The following CCM2L variants were observed in gnomAD, a reference collection of about 807,000 sequenced individuals.
CCM2L encodes cerebral cavernous malformations 2 protein-like.
CCM2L carries 36 observed loss-of-function variants against 54.1 expected under a neutral mutation model. The observed-to-expected ratio is 0.67, with a 90% CI of 0.51 to 0.88. The LOEUF (loss-of-function observed/expected upper bound fraction) is 0.88, where lower values mean the gene tolerates loss of function less well. Ranked by LOEUF, CCM2L falls within the 40% of genes least tolerant of loss-of-function variation. The pLI, the probability that CCM2L is intolerant of heterozygous loss-of-function variation, is 0.00. For synonymous variants in CCM2L, 351 were observed against 359.3 expected, an observed-to-expected ratio of 0.98 and a Z score of 0.26; for missense variants, 700 against 812.1, an observed-to-expected ratio of 0.86 and a Z score of 1.68.
intron 7 of CCM2L, among the ~76,000 whole-genome samples, chr20:32,026,540 C>T (rs1049222254): frequency 5.3e-5 from 8 of 152,140 alleles, no homozygotes; most frequent in South Asian, 2.1e-4. Context: ...GTCACATAGC[C>T]ATCACTAGCT....
chr20:32,025,533 C>G (rs6061108), intron 6 of CCM2L, among the ~76,000 whole-genome samples: 1 of 152,190 alleles, frequency 6.6e-6, no homozygotes, highest in Non-Finnish European at 1.5e-5. Flanking sequence ...TCCCAAAGTG[C>G]TGGGATTACA....
intron 2 of CCM2L, among the ~76,000 whole-genome samples, chr20:32,017,092 G>A (rs1047214098): frequency 2.0e-5 from 3 of 152,184 alleles, no homozygotes; most frequent in African/African-American, 7.2e-5. Context: ...AGCTTGCAGT[G>A]AGCTGATATC....
chr20:32,017,878 G>A lies in CCM2L; in HGVS notation c.277G>A (p.Ala93Thr), dbSNP rs754897544. ...CGAGCTCCTGCAGCTGCTAGACACCGCCAGGGTGAGACTCTGGGGAGGGAG... is the reference window on the plus strand; with the variant it reads ...CGAGCTCCTGCAGCTGCTAGACACCACCAGGGTGAGACTCTGGGGAGGGAG... ...RDELLQLLDT[A>T]RQLKELPLKT... Residue 93 changes from alanine (A) to threonine (T), a missense_variant, in exon 3 of 10, where the codon GCC becomes ACC. Ala to Thr is a moderately conservative substitution (Grantham distance 58). Transcript: ENST00000452892. 6.2e-7 allele frequency: 1 copy of A among 1,613,802 alleles called. No individual in the cohort carries two copies. The highest frequency in any genetic ancestry group is 8.5e-7 in the Non-Finnish European group (1 of 1,179,912).
At chr20:32,027,231 G>A (rs1478881026) in intron 7 of CCM2L, among the ~76,000 whole-genome samples, 1 of 152,206 alleles carries the variant, frequency 6.6e-6, no homozygotes, top group East Asian at 1.9e-4. Flanking sequence ...AGTTTGGCAT[G>A]TAGCAGTCTC....
rs929476187 is a variant in CCM2L, at chr20:32,019,100, T to G, written c.624T>G (p.Gly208=). 7 of 1,167,044 alleles carry G rather than the reference T, an allele frequency of 6.0e-6. No individual in the cohort carries two copies. The highest frequency in any genetic ancestry group is 5.1e-5 in the African/African-American group (3 of 58,674). The allele number at this position is 1,167,044 out of a possible 1,614,324, so 72.3% of individuals were successfully genotyped here. ...ICSLDWRMGW[G]GGAAEARAGG... is the part of the protein sequence containing the mutation. ...GCCTGGACTGGCGGATGGGGTGGGG[T>G]GGGGGCGCCGCGGAGGCCCGGGCCG... The change falls in exon 5 of 10, where the codon GGT becomes GGG. Residue 208 remains glycine (G), a synonymous_variant. Coordinates refer to ENST00000452892, the MANE Select transcript of CCM2L (RefSeq NM_001365692.1).
Position 32,029,698 on chromosome 20 carries a change from A to C in CCM2L, c.1264-2A>C, listed in dbSNP as rs1193256639. 1.2e-6 allele frequency: 2 copies of C among 1,605,458 alleles called. No homozygotes were observed. The highest frequency in any genetic ancestry group is 2.2e-5 in the South Asian group (2 of 89,920). Reference sequence around the variant, plus strand: ...TGATCTCGAATGGTGTCCCCCACATAGTTGCGGAGTAAGCTGGGGCCCCTC... The same window carrying C: ...TGATCTCGAATGGTGTCCCCCACATCGTTGCGGAGTAAGCTGGGGCCCCTC... On this transcript the variant is annotated splice_acceptor_variant, in intron 8 of 9. Transcript: ENST00000452892. LOFTEE classifies it high-confidence loss of function.
At position 32,014,975 on chromosome 20, in the gene CCM2L, G is replaced by C; in HGVS notation, c.102G>C (p.Val34=). ...AGRRAACRSS[V]SRRPLHSMPL... ...GCCGGGCAGCCTGTAGGAGCAGCGT[G>C]AGCCGCCGGCCCCTGCACTCGATGC... The change falls in exon 2 of 10, where the codon GTG becomes GTC. Residue 34 remains valine (V), a synonymous_variant. Transcript: ENST00000452892. 6.3e-7 allele frequency: 1 copy of C among 1,595,834 alleles called. No individual in the cohort carries two copies. Among genetic ancestry groups the C allele is most frequent in the Non-Finnish European group, 8.5e-7 (1 of 1,171,658 alleles).
intron 5 of CCM2L, 136 bp downstream of exon 5, chr20:32,019,545 G>A (rs965815329): frequency 3.5e-6 from 2 of 563,706 alleles, no homozygotes; most frequent in South Asian, 2.9e-5. Flanking sequence ...CCACCTAATG[G>A]CTCCTAAACT....
chr20:32,024,694 G>T (rs1264305183), intron 6 of CCM2L, among the ~76,000 whole-genome samples: 1 of 152,232 alleles, frequency 6.6e-6, no homozygotes, highest in Non-Finnish European at 1.5e-5. Flanking sequence ...GGGCATGGTA[G>T]CAGGCACCTG....
chr20:32,010,560 T>TGGGGGGAAAAGGGGGGGGGGGG, intron 1 of CCM2L, 76 bp downstream of exon 1: 1 of 105,748 alleles, frequency 9.5e-6, no homozygotes. Flanking sequence ...TGGGGCGGGG[T>TGGGGGGAAAAGGGGGGGGGGGG]GGGGGGTCGG....
chr20:32,031,215 C>T lies in CCM2L; in HGVS notation c.1617C>T (p.His539=), dbSNP rs2064922045. ...AFHRLLADIT[H]DIEALAPDDD... Reference sequence around the variant, plus strand: ...ACCGGCTGCTGGCTGACATCACGCACGACATCGAGGCGCTGGCCCCCGATG... The same window carrying T: ...ACCGGCTGCTGGCTGACATCACGCATGACATCGAGGCGCTGGCCCCCGATG... Residue 539 remains histidine (H), a synonymous_variant, in exon 10 of 10, where the codon CAC becomes CAT. Transcript: ENST00000452892. 3 of 1,300,756 alleles carry T rather than the reference C, an allele frequency of 2.3e-6. No individual in the cohort carries two copies. The highest frequency in any genetic ancestry group is 2.3e-5 in the Admixed American group (1 of 43,504). 80.6% of individuals were successfully genotyped at this position (1,300,756 alleles called of 1,614,324 possible).
Position 32,018,092 on chromosome 20 carries a change from C to A in CCM2L, c.396C>A (p.Ile132=). Residue 132 remains isoleucine, a synonymous_variant, in exon 4 of 10, where the codon ATC becomes ATA. Transcript: ENST00000452892. ...ACAATGAAGAGCTCATTCTGCGAAT[C>A]CCTACGCACGAGATCGCCGCCGCCT... The part of the protein sequence containing the change: ...WRDNEELILR[I]PTHEIAAASY... 1.9e-6 allele frequency: 3 copies of A among 1,612,774 alleles called. No homozygotes were observed. The highest frequency in any genetic ancestry group is 2.5e-6 in the Non-Finnish European group (3 of 1,179,856).
Position 32,017,981 on chromosome 20 carries a change from G to A in CCM2L, c.285G>A (p.Gln95=), listed in dbSNP as rs2064754790. ...TCGAGATCTGCCCCTCCCTGCAGCA[G>A]CTGAAGGAGCTGCCGCTGAAGACCA... ...ELLQLLDTAR[Q]LKELPLKTTA... The change falls in exon 4 of 10, where the codon CAG becomes CAA. Residue 95 remains glutamine, a splice_region_variant and synonymous_variant. Transcript: ENST00000452892. 1.9e-6 allele frequency: 3 copies of A among 1,613,494 alleles called. No individual in the cohort carries two copies.
rs1288507668 is a variant in CCM2L at position 32,029,122 on chromosome 20, A to G, written c.1261A>G (p.Thr421Ala). 1.2e-6 allele frequency: 2 copies of G among 1,614,196 alleles called. No individual in the cohort carries two copies. Among genetic ancestry groups the G allele is most frequent in the Non-Finnish European group, 1.7e-6 (2 of 1,180,014 alleles). ...GLEQLQDYMV[T>A]LRSKLGPLEI... ...GGAGCAGTTACAGGATTACATGGTC[A>G]CGGTGAGCTGGGGCCGGTGGTGGGA... is the stretch of plus-strand genomic sequence containing the variant. Residue 421 changes from threonine (T) to alanine (A), a missense_variant and splice_region_variant, in exon 8 of 10, where the codon ACG (threonine) becomes GCG (alanine). Physicochemically the swap from Thr to Ala is moderately conservative, Grantham distance 58. Coordinates refer to ENST00000452892, the MANE Select transcript of CCM2L (RefSeq NM_001365692.1).
Position 32,019,351 on chromosome 20 carries a change from C to T in CCM2L, c.875C>T (p.Pro292Leu), listed in dbSNP as rs753111283. The T allele has an allele frequency of 1.3e-6, 2 of 1,490,072 alleles. No homozygotes were observed. The highest frequency in any genetic ancestry group is 1.8e-6 in the Non-Finnish European group (2 of 1,125,886). The allele number at this position is 1,490,072 out of a possible 1,614,324, so 92.3% of individuals were successfully genotyped here. ...CACCCCGGCCCCAACCCGCTCGACC[C>T]GCAGGACCCCAGCCCCGACGCCTAC... Reference protein sequence around the residue: ...RRHPGPNPLDPQDPSPDAYCN... With the variant: ...RRHPGPNPLDLQDPSPDAYCN... Residue 292 changes from proline to leucine, a missense_variant, in exon 5 of 10, where the codon CCG becomes CTG. Pro to Leu is a moderately conservative substitution (Grantham distance 98, BLOSUM62 -3). Coordinates refer to ENST00000452892, the MANE Select transcript of CCM2L (RefSeq NM_001365692.1).
chr20:32,013,729 C>T (rs1457165052), intron 1 of CCM2L, among the ~76,000 whole-genome samples: 3 of 152,104 alleles, frequency 2.0e-5, no homozygotes, highest in Admixed American at 1.3e-4. Context: ...GGATTACAGG[C>T]GTAAACCACC....
chr20:32,022,592 T>C (rs113387753), intron 5 of CCM2L, 68 bp from the exon 6 acceptor site: 120 of 1,581,464 alleles, frequency 7.6e-5, no homozygotes, highest in Non-Finnish European at 9.9e-5. Flanking sequence ...ACACACTGTT[T>C]TAGGAAGCAG....
Position 32,018,116 on chromosome 20 carries a change from C to T in CCM2L, c.420C>T (p.Ala140=). 1.2e-6 allele frequency: 2 copies of T among 1,609,376 alleles called. No individual in the cohort carries two copies. The highest frequency in any genetic ancestry group is 1.7e-6 in the Non-Finnish European group (2 of 1,178,964). Residue 140 remains alanine (A), a synonymous_variant, in exon 4 of 10, where the codon GCC becomes GCT. Coordinates refer to ENST00000452892, the MANE Select transcript of CCM2L (RefSeq NM_001365692.1). ...LRIPTHEIAA[A]SYLQDDALHL... ...TCCCTACGCACGAGATCGCCGCCGC[C>T]TCCTACCTGCAGGACGACGCGCTGC... is the stretch of plus-strand genomic sequence containing the variant.
At chr20:32,022,185 T>G (rs1600679569) in intron 5 of CCM2L, among the ~76,000 whole-genome samples, 1 of 152,334 alleles carries the variant, frequency 6.6e-6, no homozygotes, top group South Asian at 2.1e-4. Context: ...CCTGTTTCCA[T>G]TTTCACACTG....
Sources: allele counts gnomAD v4.1 joint callset (sites outside exome capture counted in the v4.1 genomes callset), GRCh38; gene constraint gnomAD v4.1.1; transcripts MANE v1.5; gene names NCBI Gene and HGNC (gene_info 2026-07-23, HGNC 2026-07-21).